Variants in STK39 observed in about 807,000 individuals in gnomAD.
STK39 encodes STE20/SPS1-related proline-alanine-rich protein kinase.
A neutral mutation model predicts 77.8 loss-of-function variants in STK39; 20 were observed. The observed-to-expected ratio is 0.26, with a 90% CI of 0.18 to 0.37. The LOEUF is 0.37. Among genes scored for constraint, STK39 ranks in the 10% least tolerant of loss-of-function variants. The probability of loss-of-function intolerance (pLI) is 1.00; values close to 1 mark genes in which losing one functional copy is unlikely to be tolerated. For missense variants in STK39, 479 were observed against 656.5 expected, an observed-to-expected ratio of 0.73 and a Z score of 2.95; for synonymous variants, 246 against 234.1, an observed-to-expected ratio of 1.05 and a Z score of -0.47.
chr2:168,208,246 C>T (rs373762783), intron 1 of STK39, among the ~76,000 whole-genome samples: 1 of 152,148 alleles, frequency 6.6e-6, no homozygotes, highest in East Asian at 1.9e-4. Flanking sequence ...TAAGCTCTGG[C>T]CAATACAACC....
chr2:167,968,721 A>G (rs1692231003), intron 16 of STK39, among the ~76,000 whole-genome samples: 1 of 152,246 alleles, frequency 6.6e-6, no homozygotes, highest in Admixed American at 6.5e-5. Flanking sequence ...GAGATTGCAA[A>G]GAAAGAGACA....
chr2:168,105,062 G>A (rs1246051286), intron 10 of STK39, among the ~76,000 whole-genome samples: 1 of 152,154 alleles, frequency 6.6e-6, no homozygotes, highest in Non-Finnish European at 1.5e-5. Context: ...GAGTTAAAAT[G>A]AATAAATACT....
chr2:168,077,807 G>A lies in STK39; in HGVS notation c.1090-2576C>T, dbSNP rs561832455. 7.3e-5 allele frequency among the ~76,000 whole-genome samples: 11 copies of A among 151,130 alleles called. No individual in the cohort carries two copies. In the South Asian group the frequency reaches 8.3e-4, roughly 11 times the overall value. Reference sequence around the variant, plus strand: ...TGTAGGGAGTTTGTAGGGATGATGAGAAACAACTTTTATCTTTTAGAGCCA... The same window carrying A: ...TGTAGGGAGTTTGTAGGGATGATGAAAAACAACTTTTATCTTTTAGAGCCA... On this transcript the variant is annotated intron_variant, in intron 10 of 17. Coordinates refer to ENST00000355999, the MANE Select transcript of STK39 (RefSeq NM_013233.3).
At chr2:168,242,574 TATATATATATATATATATATATAA>T (rs1350265819) in intron 1 of STK39, among the ~76,000 whole-genome samples, 7 of 68,510 alleles carry the variant, frequency 1.0e-4, no homozygotes, top group African/African-American at 4.0e-4. Flanking sequence ...TATATATATA[TATATATATATATATATATATATAA>T]AGAGGCCAGG....
intron 16 of STK39, among the ~76,000 whole-genome samples, chr2:167,989,206 T>G (rs1213885983): frequency 2.6e-5 from 4 of 152,152 alleles, no homozygotes; most frequent in Non-Finnish European, 4.4e-5. Context: ...TAAGCAATAA[T>G]GCTAGTCATT....
At chr2:168,223,814 G>A (rs1270762169) in intron 1 of STK39, among the ~76,000 whole-genome samples, 2 of 152,086 alleles carry the variant, frequency 1.3e-5, no homozygotes, top group Admixed American at 1.3e-4. Flanking sequence ...CACGGCAGGT[G>A]CTCCATAAAT....
intron 16 of STK39, among the ~76,000 whole-genome samples, chr2:167,986,805 T>C (rs979438622): frequency 2.0e-5 from 3 of 152,048 alleles, no homozygotes; most frequent in African/African-American, 7.2e-5. Flanking sequence ...AAGGCAGCCA[T>C]TTGTAGGAGG....
At chr2:168,226,191 A>C (rs1010071281) in intron 1 of STK39, among the ~76,000 whole-genome samples, 4 of 152,200 alleles carry the variant, frequency 2.6e-5, no homozygotes, top group Admixed American at 1.3e-4. Context: ...CACTAAGGTT[A>C]GAGGATCCAG....
At chr2:167,963,174 G>C (rs915684909) in intron 17 of STK39, among the ~76,000 whole-genome samples, 1 of 152,128 alleles carries the variant, frequency 6.6e-6, no homozygotes, top group Non-Finnish European at 1.5e-5. Flanking sequence ...CTTGGGTGCA[G>C]GAAATGGAGA....
intron 1 of STK39, among the ~76,000 whole-genome samples, chr2:168,190,720 A>C (rs1201702875): frequency 6.6e-6 from 1 of 152,180 alleles, no homozygotes; most frequent in African/African-American, 2.4e-5. Flanking sequence ...CAGGCACTAG[A>C]CTGTAGGCTG....
At chr2:168,066,790 A>T (rs1685806616) in intron 12 of STK39, among the ~76,000 whole-genome samples, 1 of 152,258 alleles carries the variant, frequency 6.6e-6, no homozygotes, top group Non-Finnish European at 1.5e-5. Context: ...CCCTGAATAC[A>T]ACGAGGGGAC....
intron 14 of STK39, among the ~76,000 whole-genome samples, chr2:168,024,471 C>A (rs1235807824): frequency 2.0e-5 from 3 of 152,164 alleles, no homozygotes; most frequent in Non-Finnish European, 1.5e-5. Flanking sequence ...GAGGGCGCCA[C>A]CCTCACAAAT....
intron 17 of STK39, among the ~76,000 whole-genome samples, chr2:167,957,629 C>T (rs1303457439): frequency 6.6e-6 from 1 of 152,190 alleles, no homozygotes. Context: ...CAAAGACAAA[C>T]TATGGCTGCT....
chr2:168,192,432 A>C (rs1023329541), intron 1 of STK39, among the ~76,000 whole-genome samples: 6 of 152,008 alleles, frequency 3.9e-5, no homozygotes, highest in African/African-American at 1.5e-4. Context: ...TTCTCATTTC[A>C]CTCTGTTTTC....
At chr2:168,216,294 T>G (rs1041072873) in intron 1 of STK39, among the ~76,000 whole-genome samples, 1 of 152,202 alleles carries the variant, frequency 6.6e-6, no homozygotes, top group Non-Finnish European at 1.5e-5. Flanking sequence ...CCAGAGAAGG[T>G]ACGTCCTCAC....
At chr2:168,202,128 AC>A (rs1277819978) in intron 1 of STK39, among the ~76,000 whole-genome samples, 1 of 152,190 alleles carries the variant, frequency 6.6e-6, no homozygotes, top group Non-Finnish European at 1.5e-5. Flanking sequence ...CTGCATCAGA[AC>A]CAACTGGGTT....
chr2:167,971,543 T>C (rs911714281), intron 16 of STK39, among the ~76,000 whole-genome samples: 1 of 152,210 alleles, frequency 6.6e-6, no homozygotes, highest in South Asian at 2.1e-4. Flanking sequence ...AGATCCTTAA[T>C]TTCTGAAAAA....
chr2:168,220,522 C>T (rs1469063466), intron 1 of STK39, among the ~76,000 whole-genome samples: 1 of 152,056 alleles, frequency 6.6e-6, no homozygotes, highest in African/African-American at 2.4e-5. Context: ...GGCAGAGCAG[C>T]GATTAATAGA....
At chr2:167,995,527 T>A (rs1483058866) in intron 16 of STK39, among the ~76,000 whole-genome samples, 2 of 152,184 alleles carry the variant, frequency 1.3e-5, no homozygotes, top group African/African-American at 4.8e-5. Flanking sequence ...CAAACTCCCA[T>A]ACCACATCAG....
Sources: gnomAD v4.1 joint callset for allele counts (sites outside exome capture counted in the v4.1 genomes callset) on GRCh38, gnomAD v4.1.1 for gene constraint, MANE v1.5 for transcripts, NCBI Gene and HGNC (gene_info 2026-07-23, HGNC 2026-07-21) for gene names.